The following COL4A2 variants were observed in gnomAD, a reference collection of about 807,000 sequenced individuals.
COL4A2 encodes collagen type IV alpha 2 chain.
A neutral mutation model predicts 200.2 loss-of-function variants in COL4A2; 99 were observed. The observed-to-expected ratio is 0.49, with a 90% confidence interval of 0.42 to 0.58. COL4A2 has a LOEUF of 0.58. Among genes scored for constraint, COL4A2 ranks in the 20% least tolerant of loss-of-function variants. COL4A2 has a pLI of 0.00. For synonymous variants in COL4A2, 897 were observed against 900.6 expected (o/e 1.00, Z 0.07); for missense variants, 1,950 against 2,314.1 (o/e 0.84, Z 3.23).
At chr13:110,470,691 A>G (rs1183582726) in intron 28 of COL4A2, among the ~76,000 whole-genome samples, 1 of 152,172 alleles carries the variant, frequency 6.6e-6, no homozygotes, top group Admixed American at 6.5e-5. Flanking sequence ...GAACATCGGG[A>G]CTGTTGCGCC....
rs182212478 is a variant in COL4A2 at position 110,450,939 on chromosome 13, A to G, written c.1339+485A>G. Reference sequence around the variant, plus strand: ...TCTCAGCCCGTGCACAGCCAAAGCTACAACTGAACAGGTGAGAGTAGCTGG... The same window carrying G: ...TCTCAGCCCGTGCACAGCCAAAGCTGCAACTGAACAGGTGAGAGTAGCTGG... On this transcript the variant is annotated intron_variant, in intron 20 of 47. Transcript: ENST00000360467. 1.2e-3 allele frequency among the ~76,000 whole-genome samples: 176 copies of G among 152,332 alleles called. 1 individual carries two copies. The highest frequency in any genetic ancestry group is 4.1e-3 in the African/African-American group (170 of 41,562).
intron 3 of COL4A2, among the ~76,000 whole-genome samples, chr13:110,334,762 A>C (rs1248603070): frequency 1.3e-5 from 2 of 152,228 alleles, no homozygotes; most frequent in Non-Finnish European, 1.5e-5. Flanking sequence ...AGCATTTAGG[A>C]ATATGGAGAA....
chr13:110,468,012 A>G (rs1824302590), intron 27 of COL4A2: 2 of 382,114 alleles, frequency 5.2e-6, no homozygotes, highest in African/African-American at 2.1e-5. Context: ...TGCAAGATGA[A>G]TAGTGCAGAC....
chr13:110,402,336 G>A (rs1879400716), intron 4 of COL4A2, among the ~76,000 whole-genome samples: 1 of 152,206 alleles, frequency 6.6e-6, no homozygotes, highest in Admixed American at 6.5e-5. Context: ...CTAAAAGGGA[G>A]AAACAGGAAA....
chr13:110,486,011 C>T (rs1254475979), intron 34 of COL4A2, among the ~76,000 whole-genome samples, 175 bp downstream of exon 34: 1 of 152,228 alleles, frequency 6.6e-6, no homozygotes, highest in Non-Finnish European at 1.5e-5. Flanking sequence ...ACTTGGACAC[C>T]ATGCAGATGT....
In COL4A2 at chr13:110,308,083, G is replaced by A. The variant is rs1276497593; in HGVS notation, c.59G>A (p.Gly20Glu). The part of the protein sequence containing the change: ...GPALRRWLLL[G>E]TVTVGFLAQS... ...TTCCCATGCAGGTGGCTGCTGCTGG[G>A]GACAGTGACCGTGGGGTTCCTCGCC... The change falls in exon 3 of 48, where the codon GGG (glycine) becomes GAG (glutamate). Residue 20 changes from glycine to glutamate, a missense_variant. Transcript: ENST00000360467. The A allele has an allele frequency of 6.8e-6, 11 of 1,613,762 alleles. No homozygotes were observed. The highest frequency in any genetic ancestry group is 9.3e-6 in the Non-Finnish European group (11 of 1,180,032).
At chr13:110,424,674 A>G in intron 4 of COL4A2, 60 bp from the exon 5 acceptor site, 2 of 1,169,920 alleles carry the variant, frequency 1.7e-6, no homozygotes, top group South Asian at 1.5e-5. Context: ...AGTAACCGTA[A>G]CTGATCATGA....
At chr13:110,506,722 G>C (rs1016514133) in intron 46 of COL4A2, 116 bp downstream of exon 46, 46 of 1,110,578 alleles carry the variant, frequency 4.1e-5, no homozygotes, top group Non-Finnish European at 5.8e-5. Flanking sequence ...TTCCCCTGAC[G>C]GAAGGGTCCA....
chr13:110,333,816 C>T (rs901773653), intron 3 of COL4A2, among the ~76,000 whole-genome samples: 3 of 152,224 alleles, frequency 2.0e-5, no homozygotes, highest in African/African-American at 7.2e-5. Flanking sequence ...ATAATAAGAG[C>T]TCTTACCTTG....
intron 4 of COL4A2, among the ~76,000 whole-genome samples, chr13:110,402,619 C>G (rs1223622149): frequency 6.6e-6 from 1 of 152,180 alleles, no homozygotes; most frequent in Non-Finnish European, 1.5e-5. Flanking sequence ...CTAGAAGAAA[C>G]CTACACTGCC....
In COL4A2 at chr13:110,392,421, G is replaced by T. The variant is rs185623495; in HGVS notation, c.181-32313G>T. Reference sequence around the variant, plus strand: ...AGGAGGAAGCCAGGACAGAATACCCGAAGTCTGCAGGAACCAGGAGCTGGG... The same window carrying T: ...AGGAGGAAGCCAGGACAGAATACCCTAAGTCTGCAGGAACCAGGAGCTGGG... On this transcript the variant is annotated intron_variant, in intron 4 of 47. Coordinates refer to ENST00000360467, the MANE Select transcript of COL4A2 (RefSeq NM_001846.4). Among the ~76,000 whole-genome samples, 374 of 152,298 alleles carry T rather than the reference G, an allele frequency of 2.5e-3. 3 individuals carry two copies. Among genetic ancestry groups the T allele is most frequent in the Non-Finnish European group, 1.7e-3 (119 of 68,020 alleles).
chr13:110,380,960 AC>A (rs778206518), intron 4 of COL4A2, among the ~76,000 whole-genome samples: 3 of 144,280 alleles, frequency 2.1e-5, no homozygotes, highest in Non-Finnish European at 3.0e-5. Flanking sequence ...TCTATCTCAC[AC>A]CCACGGGCTC....
At chr13:110,356,907 C>A (rs924537842) in intron 3 of COL4A2, among the ~76,000 whole-genome samples, 3 of 151,882 alleles carry the variant, frequency 2.0e-5, no homozygotes, top group African/African-American at 7.3e-5. Context: ...CTGGGAATAC[C>A]GGTGCCTGCC....
intron 4 of COL4A2, among the ~76,000 whole-genome samples, chr13:110,383,696 A>G (rs1201810353): frequency 1.4e-5 from 2 of 140,394 alleles, no homozygotes; most frequent in African/African-American, 2.7e-5. Context: ...GCTCACTGCA[A>G]CCTCTACCTC....
At chr13:110,357,433 T>G (rs755634669) in intron 3 of COL4A2, 39 bp from the exon 4 acceptor site, 2 of 1,558,282 alleles carry the variant, frequency 1.3e-6, no homozygotes. Context: ...TTGGCAATGT[T>G]TAGGTAACTT....
chr13:110,342,305 T>C (rs188694407), intron 3 of COL4A2, among the ~76,000 whole-genome samples: 9 of 152,340 alleles, frequency 5.9e-5, no homozygotes, highest in Middle Eastern at 6.8e-3. Context: ...AAGACCCTTT[T>C]AAGGTGAATT....
chr13:110,466,918 C>T, intron 26 of COL4A2, 122 bp from the exon 27 acceptor site: 2 of 1,219,252 alleles, frequency 1.6e-6, no homozygotes, highest in Non-Finnish European at 2.3e-6. Flanking sequence ...CATTAAGTTA[C>T]TCTGATCCCA....
intron 17 of COL4A2, 45 bp from the exon 18 acceptor site, chr13:110,446,753 C>T: frequency 6.4e-7 from 1 of 1,559,374 alleles, no homozygotes; most frequent in East Asian, 2.3e-5. Flanking sequence ...TCAAAAACTC[C>T]AAAAGGCTAT....
At position 110,507,751 on chromosome 13, in the gene COL4A2, T is replaced by G. The variant is rs1039764593; in HGVS notation, c.4595-184T>G. On this transcript the variant is annotated intron_variant, in intron 46 of 47. Coordinates refer to ENST00000360467, the MANE Select transcript of COL4A2 (RefSeq NM_001846.4). The stretch of plus-strand genomic sequence containing the variant: ...GAGCTGTTCCAAAATGCCAGTGGAG[T>G]CTGATCAAAAAGAGAAAAAGAAAGA... The G allele has an allele frequency of 5.3e-6, 3 of 566,794 alleles. No homozygotes were observed. In the Admixed American group the frequency reaches 9.5e-5, roughly 18 times the overall value. 35.1% of individuals were successfully genotyped at this position (566,794 alleles called of 1,614,324 possible).
Sources: gnomAD v4.1 joint callset for allele counts (sites outside exome capture counted in the v4.1 genomes callset) on GRCh38, gnomAD v4.1.1 for gene constraint, MANE v1.5 for transcripts, NCBI Gene and HGNC (gene_info 2026-07-23, HGNC 2026-07-21) for gene names.